CFAP47: variants seen among roughly 807,000 people sequenced by gnomAD.
CFAP47 encodes the protein cilia- and flagella-associated protein 47.
In CFAP47, 29 loss-of-function variants were observed where a neutral mutation model predicts 148.1. The observed-to-expected ratio is 0.20, with a 90% CI of 0.15 to 0.27. The LOEUF (loss-of-function observed/expected upper bound fraction) is 0.27. CFAP47 is among the 10% of genes least tolerant of loss of function. The pLI is 1.00. For synonymous variants in CFAP47, 664 were observed against 577.3 expected, an observed-to-expected ratio of 1.15 and a Z score of -2.15; for missense variants, 1,872 against 1,697.5, an observed-to-expected ratio of 1.10 and a Z score of -1.81.
intron 61 of CFAP47, among the ~76,000 whole-genome samples, chrX:36,363,889 C>T (rs188315235): frequency 7.0e-4 from 78 of 111,230 alleles, no homozygotes; most frequent in Non-Finnish European, 1.2e-3. Context: ...AATACAAAAG[C>T]GTATGAGAAC....
intron 49 of CFAP47, among the ~76,000 whole-genome samples, chrX:36,265,424 A>T (rs1451215523): frequency 9.0e-6 from 1 of 111,731 alleles, no homozygotes; most frequent in Non-Finnish European, 1.9e-5. Flanking sequence ...TGCTCTGGCT[A>T]GGACTTCCAG....
chrX:36,327,970 T>C (rs1204720515), intron 57 of CFAP47, among the ~76,000 whole-genome samples: 8 of 111,051 alleles, frequency 7.2e-5, no homozygotes, highest in Non-Finnish European at 1.5e-4. Context: ...GGAAGGGGGA[T>C]TGAGTTGAAA....
At chrX:35,920,282 G>A (rs1376528225) in intron 1 of CFAP47, among the ~76,000 whole-genome samples, 1 of 111,417 alleles carries the variant, frequency 9.0e-6, no homozygotes, top group African/African-American at 3.3e-5. Context: ...CTGACCTAGA[G>A]CCTCCCCATT....
At chrX:35,944,849 G>A (rs929002446) in intron 3 of CFAP47, among the ~76,000 whole-genome samples, 14 of 111,951 alleles carry the variant, frequency 1.3e-4, no homozygotes, top group Admixed American at 2.8e-4. Flanking sequence ...GTAGCTGTGG[G>A]TACCCTTATG....
At chrX:36,167,153 T>C (rs867702030) in intron 39 of CFAP47, among the ~76,000 whole-genome samples, 1 of 112,059 alleles carries the variant, frequency 8.9e-6, no homozygotes. Context: ...TCTTTGTTGA[T>C]CTACCAATCT....
In CFAP47 at chrX:36,038,406, C is replaced by T. The variant is rs559389452; in HGVS notation, c.3812-578C>T. 2.6e-4 allele frequency among the ~76,000 whole-genome samples: 29 copies of T among 112,422 alleles called. No homozygotes were observed. In the South Asian group the frequency reaches 8.5e-3, roughly 33 times the overall value. Reference sequence around the variant, plus strand: ...CCCCAGAAACTAGCTTTCAGCTTCCCGTGTTGAGCCCTGCTCTCTAACACA... The same window carrying T: ...CCCCAGAAACTAGCTTTCAGCTTCCTGTGTTGAGCCCTGCTCTCTAACACA... On this transcript the variant is annotated intron_variant, in intron 24 of 63. Transcript: ENST00000378653.
intron 21 of CFAP47, among the ~76,000 whole-genome samples, chrX:36,005,027 AAGGT>A (rs1936965239): frequency 9.1e-6 from 1 of 110,485 alleles, no homozygotes; most frequent in Non-Finnish European, 1.9e-5. Context: ...TTATTTCTGT[AAGGT>A]AGGTAATAAT....
intron 50 of CFAP47, among the ~76,000 whole-genome samples, chrX:36,283,134 A>G (rs1304365295): frequency 9.0e-6 from 1 of 111,671 alleles, no homozygotes; most frequent in Admixed American, 9.5e-5. Flanking sequence ...GTACAAATAT[A>G]TTAAGTAGCT....
chrX:36,015,671 T>A (rs1381143431), intron 22 of CFAP47, among the ~76,000 whole-genome samples: 1 of 111,545 alleles, frequency 9.0e-6, no homozygotes, highest in East Asian at 2.8e-4. Context: ...ATTCCACAGC[T>A]GATATGGAGG....
chrX:36,338,678 A>C (rs782314317), intron 57 of CFAP47, among the ~76,000 whole-genome samples: 1 of 111,627 alleles, frequency 9.0e-6, no homozygotes, highest in East Asian at 2.8e-4. Context: ...TTTCATTTCT[A>C]TCCACATTCA....
intron 40 of CFAP47, among the ~76,000 whole-genome samples, chrX:36,186,004 G>A (rs183264883): frequency 1.8e-5 from 2 of 111,229 alleles, no homozygotes; most frequent in African/African-American, 3.3e-5. Context: ...GCAGTCCATG[G>A]CACAAAGGAA....
At chrX:36,384,307 C>T (rs1942106970) in intron 63 of CFAP47, among the ~76,000 whole-genome samples, 1 of 111,141 alleles carries the variant, frequency 9.0e-6, no homozygotes, top group African/African-American at 3.3e-5. Context: ...TGCCACTGCA[C>T]TCCAGCCTGG....
intron 27 of CFAP47, among the ~76,000 whole-genome samples, chrX:36,070,183 A>G (rs1403525806): frequency 8.9e-6 from 1 of 112,162 alleles, no homozygotes; most frequent in Non-Finnish European, 1.9e-5. Flanking sequence ...GCTCATTTAT[A>G]TTTGTTATTG....
intron 39 of CFAP47, among the ~76,000 whole-genome samples, chrX:36,171,053 G>A (rs1346311258): frequency 7.2e-5 from 8 of 111,039 alleles, no homozygotes; most frequent in African/African-American, 1.3e-4. Flanking sequence ...GCCAGTGATG[G>A]TGAGCATTTT....
intron 21 of CFAP47, among the ~76,000 whole-genome samples, chrX:36,003,967 C>CTTTTTTTTTTTTTTTT (rs761024902): frequency 1.5e-5 from 1 of 66,392 alleles, no homozygotes; most frequent in African/African-American, 6.7e-5. Flanking sequence ...CTTTCTTTTT[C>CTTTTTTTTTTTTTTTT]TTTTTTTTTT....
intron 21 of CFAP47, among the ~76,000 whole-genome samples, chrX:36,010,273 T>C (rs1175432817): frequency 9.0e-6 from 1 of 111,504 alleles, no homozygotes; most frequent in Admixed American, 9.5e-5. Flanking sequence ...TTTAAATTTC[T>C]AATAAATTAT....
chrX:36,273,100 A>G (rs181981659), intron 49 of CFAP47, among the ~76,000 whole-genome samples: 220 of 111,528 alleles, frequency 2.0e-3, no homozygotes, highest in Middle Eastern at 4.7e-3. Context: ...ATGAACAGGA[A>G]GCATTTAGCA....
intron 46 of CFAP47, 31 bp from the exon 47 acceptor site, chrX:36,235,903 C>G (rs1385675653): frequency 2.2e-6 from 1 of 446,093 alleles, no homozygotes; most frequent in Non-Finnish European, 4.0e-6. Context: ...TATCATCTCT[C>G]TGATATTTCT....
Position 36,020,969 on chromosome X carries a change from T to A in CFAP47, c.3556+6057T>A, listed in dbSNP as rs758509834. Among the ~76,000 whole-genome samples, 3 of 111,672 alleles carry A rather than the reference T, an allele frequency of 2.7e-5. No individual in the cohort carries two copies. In the East Asian group the frequency reaches 8.5e-4, roughly 32 times the overall value. ...ATATAATTTAGTCTCTCACTTTTTA[T>A]GTTTAGTGTATCTGTTGTATTTTTT... is the stretch of plus-strand genomic sequence containing the variant. On this transcript the variant is annotated intron_variant, in intron 22 of 63. Coordinates refer to ENST00000378653, the MANE Select transcript of CFAP47 (RefSeq NM_001304548.2).
Sources: allele counts gnomAD v4.1 joint callset (sites outside exome capture counted in the v4.1 genomes callset), GRCh38; gene constraint gnomAD v4.1.1; transcripts MANE v1.5; gene names NCBI Gene and HGNC (gene_info 2026-07-23, HGNC 2026-07-21).